TCOF1: variants seen among roughly 807,000 people sequenced by gnomAD.
The protein encoded by TCOF1 is treacle ribosome biogenesis factor 1, also known as treacle protein.
TCOF1 carries 33 observed loss-of-function variants against 149.0 expected under a neutral mutation model. The ratio of observed to expected loss-of-function variants is 0.22; its 90% confidence interval spans 0.17 to 0.30. The LOEUF is 0.30. Among genes scored for constraint, TCOF1 ranks in the 10% least tolerant of loss-of-function variants. TCOF1 has a pLI of 1.00. For missense variants in TCOF1, 1,728 were observed against 1,840.7 expected, an observed-to-expected ratio of 0.94 and a Z score of 1.12; for synonymous variants, 789 against 738.8, an observed-to-expected ratio of 1.07 and a Z score of -1.10.
Position 150,374,745 on chromosome 5 carries a change from G to A in TCOF1, c.1212G>A (p.Gly404=). 2 of 1,613,310 alleles carry A rather than the reference G, an allele frequency of 1.2e-6. No individual in the cohort carries two copies. Among genetic ancestry groups the A allele is most frequent in the East Asian group, 2.2e-5 (1 of 44,856 alleles). ...CTGCAGTTGCCAAGGCCCAGGCGGGGAAGCGGGAGGAGGACTCGCAGAGCA... is the reference window on the plus strand; with the variant it reads ...CTGCAGTTGCCAAGGCCCAGGCGGGAAAGCGGGAGGAGGACTCGCAGAGCA... ...TGPAVAKAQA[G]KREEDSQSSS... Residue 404 remains glycine, a synonymous_variant, in exon 9 of 27, where the codon GGG becomes GGA. Transcript: ENST00000643257.
chr5:150,366,047 A>G (rs1315547566), intron 3 of TCOF1, among the ~76,000 whole-genome samples: 1 of 151,424 alleles, frequency 6.6e-6, no homozygotes, highest in Non-Finnish European at 1.5e-5. Context: ...ACTTGAGCCC[A>G]GGAGGTCAAG....
intron 14 of TCOF1, among the ~76,000 whole-genome samples, chr5:150,377,232 G>A (rs546973912): frequency 1.1e-4 from 16 of 152,336 alleles, no homozygotes; most frequent in South Asian, 2.1e-4. Flanking sequence ...CAGACCGCCT[G>A]GGTTCAAGTT....
chr5:150,368,774 A>G lies in TCOF1; in HGVS notation c.437A>G (p.Lys146Arg). The G allele has an allele frequency of 6.2e-7, 1 of 1,614,128 alleles. No homozygotes were observed. ...GNSMPHPATG[K>R]TVANLLSGKS... ...TCCATGCCACACCCTGCCACTGGGA[A>G]GACGGTGGCCAACCTTCTTTCTGGG... Residue 146 changes from lysine to arginine, a missense_variant, in exon 5 of 27, where the codon AAG (lysine) becomes AGG (arginine). Around this residue, in one of 2 missense-constraint regions of TCOF1, gnomAD observed 1,696 missense variants for 1,765.4 expected, o/e 0.96. Coordinates refer to ENST00000643257, the MANE Select transcript of TCOF1 (RefSeq NM_001371623.1).
At chr5:150,397,153 CAAAAAAA>C (rs58246300) in intron 24 of TCOF1, among the ~76,000 whole-genome samples, 4 of 88,720 alleles carry the variant, frequency 4.5e-5, no homozygotes, top group African/African-American at 4.5e-5. Context: ...GCAAGACTGT[CAAAAAAA>C]AAAAAAAAAA....
intron 6 of TCOF1, among the ~76,000 whole-genome samples, chr5:150,371,619 G>C (rs1762543458): frequency 6.6e-6 from 1 of 152,214 alleles, no homozygotes; most frequent in Admixed American, 6.5e-5. Flanking sequence ...CTGGCCCTCA[G>C]GAGGGCTGCT....
intron 22 of TCOF1, 55 bp from the exon 23 acceptor site, chr5:150,393,317 G>A: frequency 6.2e-7 from 1 of 1,609,418 alleles, no homozygotes; most frequent in Non-Finnish European, 8.5e-7. Context: ...ACTCGGGCTG[G>A]GTTATGGCAG....
Position 150,374,750 on chromosome 5 carries a change from G to A in TCOF1, c.1217G>A (p.Arg406Gln), listed in dbSNP as rs140204483. Residue 406 changes from arginine (R) to glutamine (Q), a missense_variant, in exon 9 of 27, where the codon CGG becomes CAG. This residue lies in a region of TCOF1 where 1,696 missense variants were observed against 1,765.4 expected (regional missense o/e 0.96). Coordinates refer to ENST00000643257, the MANE Select transcript of TCOF1 (RefSeq NM_001371623.1). ...GTTGCCAAGGCCCAGGCGGGGAAGCGGGAGGAGGACTCGCAGAGCAGCAGC... is the reference window on the plus strand; with the variant it reads ...GTTGCCAAGGCCCAGGCGGGGAAGCAGGAGGAGGACTCGCAGAGCAGCAGC... Reference protein sequence around the residue: ...PAVAKAQAGKREEDSQSSSEE... With the variant: ...PAVAKAQAGKQEEDSQSSSEE... 115 of 1,609,034 alleles carry A rather than the reference G, an allele frequency of 7.1e-5. No individual in the cohort carries two copies. The African/African-American group carries it at 1.1e-3, about 15-fold the overall frequency.
intron 2 of TCOF1, among the ~76,000 whole-genome samples, chr5:150,362,530 C>G (rs1760369149): frequency 6.6e-6 from 1 of 152,170 alleles, no homozygotes; most frequent in African/African-American, 2.4e-5. Context: ...GTACCTGCTT[C>G]AGGAAGACAG....
rs374427907 is a variant in TCOF1 at position 150,388,017 on chromosome 5, G to C, written c.2975G>C (p.Ser992Thr). The C allele has an allele frequency of 2.4e-5, 38 of 1,613,752 alleles. No homozygotes were observed. Among genetic ancestry groups the C allele is most frequent in the Non-Finnish European group, 3.1e-5 (37 of 1,180,050 alleles). ...STPRKARASE[S>T]TARSSSSESE... ...CCGAGGAAGGCCCGAGCCTCGGAGA[G>C]CACAGCCAGGAGCTCCTCCTCCGAG... The change falls in exon 18 of 27, where the codon AGC becomes ACC. Residue 992 changes from serine (S) to threonine (T), a missense_variant. Coordinates refer to ENST00000643257, the MANE Select transcript of TCOF1 (RefSeq NM_001371623.1).
At position 150,399,007 on chromosome 5, in the gene TCOF1, C is replaced by A; in HGVS notation, c.4444-15C>A. On this transcript the variant is annotated splice_polypyrimidine_tract_variant and intron_variant, in intron 25 of 26. Coordinates refer to ENST00000643257, the MANE Select transcript of TCOF1 (RefSeq NM_001371623.1). The stretch of plus-strand genomic sequence containing the variant: ...GCTGCAGGTCTGAGAGCCTCTCGTA[C>A]TTCCCTCCTCACAGAAGAAGACAGC... The A allele has an allele frequency of 6.2e-7, 1 of 1,614,260 alleles. No individual in the cohort carries two copies.
chr5:150,357,948 C>A, intron 1 of TCOF1, 94 bp downstream of exon 1: 1 of 1,349,680 alleles, frequency 7.4e-7, no homozygotes, highest in Non-Finnish European at 1.0e-6. Flanking sequence ...ACCCGGCAGG[C>A]GCCCGGAGCC....
At chr5:150,399,630 C>A (rs144179587) in intron 26 of TCOF1, among the ~76,000 whole-genome samples, 180 bp from the exon 27 acceptor site, 3,662 of 152,218 alleles carry the variant, frequency 0.024, 73 homozygotes, top group Non-Finnish European at 0.035. Context: ...AGTGGTGAGG[C>A]TTATGTGAAG....
chr5:150,390,059 T>TG, intron 19 of TCOF1, 36 bp downstream of exon 19: 3 of 1,575,142 alleles, frequency 1.9e-6, no homozygotes, highest in Non-Finnish European at 2.6e-6. Flanking sequence ...TGCAGGCCAG[T>TG]GGGGTGGGGC....
At position 150,398,371 on chromosome 5, in the gene TCOF1, A is replaced by G. The variant is rs1171084741; in HGVS notation, c.4363A>G (p.Lys1455Glu). Reference sequence around the variant, plus strand: ...TCCCTTAGGAAAAAAAGACAAAGAAAAAAAAGAAAAGAAGAAGAAAGCAAA... The same window carrying G: ...TCCCTTAGGAAAAAAAGACAAAGAAGAAAAAGAAAAGAAGAAGAAAGCAAA... ...KSDKRKKDKE[K>E]KEKKKKAKKA... is the part of the protein sequence containing the mutation. Residue 1455 changes from lysine (K) to glutamate (E), a missense_variant, in exon 25 of 27, where the codon AAA becomes GAA. Lys to Glu is a moderately conservative substitution (Grantham distance 56, BLOSUM62 1). Around this residue, in one of 2 missense-constraint regions of TCOF1, gnomAD observed 1,696 missense variants for 1,765.4 expected, o/e 0.96. Transcript: ENST00000643257. 3 of 1,613,774 alleles carry G rather than the reference A, an allele frequency of 1.9e-6. No individual in the cohort carries two copies. The South Asian group carries it at 3.3e-5, about 18-fold the overall frequency.
At chr5:150,361,093 G>T in intron 1 of TCOF1, 63 bp from the exon 2 acceptor site, 1 of 1,608,108 alleles carries the variant, frequency 6.2e-7, no homozygotes, top group South Asian at 1.1e-5. Context: ...GGGAGATCTG[G>T]GCCCAAGAAG....
intron 9 of TCOF1, 23 bp downstream of exon 9, chr5:150,374,834 A>G (rs757201778): frequency 6.2e-7 from 1 of 1,603,848 alleles, no homozygotes; most frequent in Non-Finnish European, 8.5e-7. Flanking sequence ...GGAGGGGTGG[A>G]GAGTAGCCCC....
chr5:150,375,491 C>A lies in TCOF1; in HGVS notation c.1641C>A (p.Ser547Arg). 1 of 1,614,156 alleles carries A rather than the reference C, an allele frequency of 6.2e-7. No homozygotes were observed. Among genetic ancestry groups the A allele is most frequent in the Non-Finnish European group, 8.5e-7 (1 of 1,180,006 alleles). Residue 547 changes from serine to arginine, a missense_variant, in exon 11 of 27, where the codon AGC (serine) becomes AGA (arginine). Ser to Arg is a moderately radical substitution (Grantham distance 110, BLOSUM62 -1). Transcript: ENST00000643257. ...QVGKWEEDSE[S>R]SSEESSDSSD... ...GGAAGTGGGAGGAGGACTCAGAGAG[C>A]AGTAGTGAGGAGTCATCAGACAGCA...
In TCOF1 at chr5:150,388,074, A is replaced by T; in HGVS notation, c.3032A>T (p.Gln1011Leu). The change falls in exon 18 of 27, where the codon CAG becomes CTG. Residue 1011 changes from glutamine (Q) to leucine (L), a missense_variant. Transcript: ENST00000643257. ...SEDEDVIPATQCLTPGIRTNV... is the reference protein window; with the variant it reads ...SEDEDVIPATLCLTPGIRTNV... The stretch of plus-strand genomic sequence containing the variant: ...GATGAGGACGTGATCCCCGCTACAC[A>T]GTGCTTGACTCCTGGTGAGCGCAGC... The T allele has an allele frequency of 1.2e-6, 2 of 1,613,136 alleles. No homozygotes were observed. Among genetic ancestry groups the T allele is most frequent in the Non-Finnish European group, 1.7e-6 (2 of 1,179,922 alleles).
intron 2 of TCOF1, 49 bp from the exon 3 acceptor site, chr5:150,364,064 G>C (rs1760751223): frequency 6.2e-7 from 1 of 1,613,490 alleles, no homozygotes; most frequent in Non-Finnish European, 8.5e-7. Context: ...AATTCTTGTG[G>C]AGTTGTTCTG....
Sources: gnomAD v4.1 joint callset for allele counts (sites outside exome capture counted in the v4.1 genomes callset) on GRCh38, gnomAD v4.1.1 for gene constraint, gnomAD v4.1.1 regional missense constraint, MANE v1.5 for transcripts, NCBI Gene and HGNC (gene_info 2026-07-23, HGNC 2026-07-21) for gene names.